The following SFMBT2 variants were observed in gnomAD, a reference collection of about 807,000 sequenced individuals.
SFMBT2 encodes the protein scm-like with four MBT domains protein 2.
In SFMBT2, 38 loss-of-function variants were observed where a neutral mutation model predicts 110.1. The observed-to-expected ratio is 0.35, with a 90% CI of 0.27 to 0.45. The LOEUF (loss-of-function observed/expected upper bound fraction) is 0.45. Ranked by LOEUF, SFMBT2 falls within the 20% of genes least tolerant of loss-of-function variation. SFMBT2 has a pLI of 1.00. For synonymous variants in SFMBT2, 425 were observed against 425.4 expected, an observed-to-expected ratio of 1.00 and a Z score of 0.01; for missense variants, 1,011 against 1,094.9, an observed-to-expected ratio of 0.92 and a Z score of 1.08.
intron 2 of SFMBT2, among the ~76,000 whole-genome samples, chr10:7,376,994 C>A (rs1374484982): frequency 6.6e-6 from 1 of 151,044 alleles, no homozygotes; most frequent in African/African-American, 2.4e-5. Flanking sequence ...CATGGTGAAA[C>A]CCCATCTCTA....
rs539447284 is a variant in SFMBT2, at chr10:7,190,739, A to C, written c.1699-2006T>G. ...CAGTTCATTATGTGCTTGATCAGAG[A>C]GGGTAGCAGGGAGCCTGCCCCTGCC... is the stretch of plus-strand genomic sequence containing the variant. On this transcript the variant is annotated intron_variant, in intron 15 of 20. Transcript: ENST00000397167. Among the ~76,000 whole-genome samples the C allele has an allele frequency of 2.6e-5, 4 of 152,330 alleles. No homozygotes were observed. The South Asian group carries it at 8.3e-4, about 32-fold the overall frequency.
chr10:7,341,183 A>G (rs1843890028), intron 4 of SFMBT2, among the ~76,000 whole-genome samples: 1 of 152,216 alleles, frequency 6.6e-6, no homozygotes, highest in Admixed American at 6.5e-5. Flanking sequence ...CTCGGGCCTC[A>G]TGGCCATCCA....
At chr10:7,384,151 TG>T (rs1845511765) in intron 1 of SFMBT2, among the ~76,000 whole-genome samples, 1 of 120,462 alleles carries the variant, frequency 8.3e-6, no homozygotes, top group Admixed American at 1.2e-4. Context: ...GCGGAGGTTG[TG>T]GTGAGCTGAG....
At chr10:7,193,062 G>GA (rs1838650359) in intron 15 of SFMBT2, among the ~76,000 whole-genome samples, 1 of 152,114 alleles carries the variant, frequency 6.6e-6, no homozygotes, top group Non-Finnish European at 1.5e-5. Flanking sequence ...ACCAAAAGAA[G>GA]AAAAAAGAGA....
chr10:7,235,709 T>G (rs1042857580), intron 9 of SFMBT2, among the ~76,000 whole-genome samples: 1 of 148,744 alleles, frequency 6.7e-6, no homozygotes, highest in African/African-American at 2.5e-5. Context: ...AATGATATTT[T>G]AAAGTACCAT....
intron 11 of SFMBT2, among the ~76,000 whole-genome samples, chr10:7,212,387 G>A (rs958056690): frequency 4.0e-4 from 61 of 152,306 alleles, no homozygotes; most frequent in Middle Eastern, 3.4e-3. Context: ...AAGTTCACAG[G>A]ACCGCCTGTA....
At chr10:7,276,126 A>AAGAACTTGGTAGCCGTTTTGGTGGAG (rs1841766381) in intron 7 of SFMBT2, among the ~76,000 whole-genome samples, 2 of 152,198 alleles carry the variant, frequency 1.3e-5, no homozygotes, top group African/African-American at 2.4e-5. Flanking sequence ...TTGAAGTGTA[A>AAGAACTTGGTAGCCGTTTTGGTGGAG]AGAACTTGGT....
In SFMBT2 at chr10:7,408,841, C is replaced by G. The variant is rs1209277211; in HGVS notation, c.-52+2020G>C. ...CGCCCTGGAACGCCGACCTTTCCCC[C>G]GCACTTCGCCGCCCACTCACATCCC... On this transcript the variant is annotated intron_variant, in intron 1 of 20. Coordinates refer to ENST00000397167, the MANE Select transcript of SFMBT2 (RefSeq NM_001387889.1). This position sits in a 1 kb window ranked among gnomAD's most constrained non-coding sequence, Gnocchi z 5.7. The G allele has an allele frequency of 2.6e-5, 4 of 152,382 alleles. No individual in the cohort carries two copies. Among genetic ancestry groups the G allele is most frequent in the Non-Finnish European group, 4.4e-5 (3 of 68,166 alleles). The allele number at this position is 152,382 out of a possible 1,614,324, so 9.4% of individuals were successfully genotyped here. A position where few individuals can be genotyped will look rare whatever the true frequency, so the allele number is the denominator to read the frequency against.
intron 4 of SFMBT2, among the ~76,000 whole-genome samples, chr10:7,315,102 AAG>A (rs1267274525): frequency 2.1e-5 from 3 of 144,736 alleles, no homozygotes; most frequent in African/African-American, 7.6e-5. Flanking sequence ...GAAAGAAAGA[AAG>A]AAAGAAAAAG....
At chr10:7,255,075 C>T (rs761650129) in intron 7 of SFMBT2, among the ~76,000 whole-genome samples, 8 of 152,166 alleles carry the variant, frequency 5.3e-5, no homozygotes, top group Non-Finnish European at 1.2e-4. Context: ...AAAGATGCAG[C>T]TATTCTCATT....
intron 20 of SFMBT2, among the ~76,000 whole-genome samples, chr10:7,166,978 T>TA (rs1283457065): frequency 6.6e-6 from 1 of 152,226 alleles, no homozygotes; most frequent in Non-Finnish European, 1.5e-5. Flanking sequence ...AGATCACTTT[T>TA]AATGTTAAAC....
At chr10:7,354,024 T>C (rs1429128359) in intron 4 of SFMBT2, among the ~76,000 whole-genome samples, 1 of 150,500 alleles carries the variant, frequency 6.6e-6, no homozygotes, top group Non-Finnish European at 1.5e-5. Flanking sequence ...GAGTTGGAGG[T>C]TGCAGTGAGC....
chr10:7,218,624 C>T (rs1366149142), intron 11 of SFMBT2, among the ~76,000 whole-genome samples: 5 of 152,164 alleles, frequency 3.3e-5, no homozygotes, highest in Non-Finnish European at 7.4e-5. Context: ...CCAATGAAAA[C>T]ACTCTGGGGA....
intron 4 of SFMBT2, among the ~76,000 whole-genome samples, chr10:7,359,405 G>A (rs891419803): frequency 1.1e-4 from 16 of 152,336 alleles, no homozygotes; most frequent in South Asian, 6.2e-4. Flanking sequence ...AATTATGGAA[G>A]TGAAGGAGTT....
At chr10:7,380,689 C>G (rs1173295733) in intron 2 of SFMBT2, among the ~76,000 whole-genome samples, 5 of 151,844 alleles carry the variant, frequency 3.3e-5, no homozygotes, top group African/African-American at 1.2e-4. Flanking sequence ...TAAATAAACC[C>G]TTTATTGTGT....
intron 10 of SFMBT2, 85 bp from the exon 11 acceptor site, chr10:7,220,622 C>T (rs185698751): frequency 7.6e-5 from 105 of 1,376,908 alleles, no homozygotes; most frequent in Admixed American, 2.4e-4. Flanking sequence ...AAGAAATGCA[C>T]GCACACGCAT....
intron 1 of SFMBT2, among the ~76,000 whole-genome samples, chr10:7,393,024 TATATATATATAA>T (rs1371423703): frequency 0.027 from 1,940 of 70,862 alleles, 64 homozygotes; most frequent in African/African-American, 0.078. Flanking sequence ...TATATATATA[TATATATATATAA>T]TTTTTTTTTT....
chr10:7,352,099 C>T (rs1271504163), intron 4 of SFMBT2, among the ~76,000 whole-genome samples: 1 of 152,088 alleles, frequency 6.6e-6, no homozygotes. Context: ...CCAGGTGACT[C>T]ACACCAACAC....
intron 10 of SFMBT2, among the ~76,000 whole-genome samples, chr10:7,226,228 C>T (rs1415933974): frequency 6.6e-6 from 1 of 152,226 alleles, no homozygotes; most frequent in Admixed American, 6.5e-5. Context: ...AAGGAGAGAA[C>T]TCGACTGAGA....
Sources: allele counts gnomAD v4.1 joint callset (sites outside exome capture counted in the v4.1 genomes callset), GRCh38; gene constraint gnomAD v4.1.1; non-coding constraint Gnocchi (gnomAD v3.1); transcripts MANE v1.5; gene names NCBI Gene and HGNC (gene_info 2026-07-23, HGNC 2026-07-21).